The following TGFA variants were observed in gnomAD, a reference collection of about 807,000 sequenced individuals.
TGFA encodes the protein protransforming growth factor alpha.
TGFA carries 12 observed loss-of-function variants against 21.7 expected under a neutral mutation model. The observed-to-expected ratio is 0.55, with a 90% confidence interval of 0.35 to 0.90. The LOEUF (loss-of-function observed/expected upper bound fraction) is 0.90, where lower values mean the gene tolerates loss of function less well. Ranked by LOEUF, TGFA falls within the 40% of genes least tolerant of loss-of-function variation. TGFA has a pLI of 0.01. For synonymous variants in TGFA, 79 were observed against 88.1 expected, an observed-to-expected ratio of 0.90 and a Z score of 0.58; for missense variants, 178 against 210.8, an observed-to-expected ratio of 0.84 and a Z score of 0.96.
Position 70,454,705 on chromosome 2 carries a change from G to A in TGFA, c.366-1378C>T, listed in dbSNP as rs1670171387. On this transcript the variant is annotated intron_variant, in intron 4 of 5. Coordinates refer to ENST00000295400, the MANE Select transcript of TGFA (RefSeq NM_003236.4). ...GCCCAGGAAGCCAGCAGCCTGGCAG[G>A]AGTGAGAGCTTAGTCTCTGGCTCAT... Among the ~76,000 whole-genome samples, 4 of 152,190 alleles carry A rather than the reference G, an allele frequency of 2.6e-5. No individual in the cohort carries two copies. The South Asian group carries it at 8.3e-4, about 32-fold the overall frequency.
chr2:70,523,532 T>C (rs1196020412), intron 1 of TGFA, among the ~76,000 whole-genome samples: 2 of 152,284 alleles, frequency 1.3e-5, no homozygotes, highest in East Asian at 1.9e-4. Flanking sequence ...TAGAAAAGCC[T>C]CCTTACTGCC....
At chr2:70,458,594 A>G (rs6738670) in intron 3 of TGFA, among the ~76,000 whole-genome samples, 2,378 of 152,058 alleles carry the variant, frequency 0.016, 63 homozygotes, top group African/African-American at 0.054. Context: ...ACTACCCTCC[A>G]TTGTGCATCT....
At chr2:70,549,038 CTA>C (rs1470994166) in intron 1 of TGFA, among the ~76,000 whole-genome samples, 1 of 152,186 alleles carries the variant, frequency 6.6e-6, no homozygotes, top group Non-Finnish European at 1.5e-5. Context: ...TAGCAAAGAG[CTA>C]TGTTCATATT....
intron 2 of TGFA, among the ~76,000 whole-genome samples, chr2:70,480,457 A>C (rs1553495252): frequency 6.6e-6 from 1 of 152,242 alleles, no homozygotes; most frequent in East Asian, 1.9e-4. Context: ...ATATACATTT[A>C]GAAATGGTTT....
chr2:70,464,881 C>A (rs1457736916), intron 3 of TGFA, among the ~76,000 whole-genome samples: 5 of 152,180 alleles, frequency 3.3e-5, no homozygotes, highest in Non-Finnish European at 7.3e-5. Context: ...CTCTACTCCC[C>A]CTAACTGGTC....
intron 2 of TGFA, among the ~76,000 whole-genome samples, chr2:70,470,238 T>G: frequency 6.7e-6 from 1 of 148,338 alleles, no homozygotes; most frequent in East Asian, 2.0e-4. Context: ...GAAGGAGAGA[T>G]TGGGACAAAG....
chr2:70,521,959 A>G (rs1468802391), intron 1 of TGFA, among the ~76,000 whole-genome samples: 1 of 152,200 alleles, frequency 6.6e-6, no homozygotes, highest in Admixed American at 6.5e-5. Flanking sequence ...AAGTCGGCAT[A>G]TCCCATCCTC....
At chr2:70,544,280 T>C (rs369907574) in intron 1 of TGFA, among the ~76,000 whole-genome samples, 7 of 151,720 alleles carry the variant, frequency 4.6e-5, no homozygotes, top group Admixed American at 4.6e-4. Context: ...ATGCTATAAG[T>C]AAGAAGAGAT....
At chr2:70,470,942 C>T (rs1480109977) in intron 2 of TGFA, among the ~76,000 whole-genome samples, 2 of 152,108 alleles carry the variant, frequency 1.3e-5, no homozygotes, top group Non-Finnish European at 2.9e-5. Context: ...ACAAAAGTGA[C>T]ATATTTTTAG....
intron 1 of TGFA, among the ~76,000 whole-genome samples, chr2:70,543,217 AT>A (rs782654920): frequency 6.6e-6 from 1 of 152,146 alleles, no homozygotes; most frequent in Non-Finnish European, 1.5e-5. Context: ...TACTTACTTT[AT>A]TTCACATTTG....
chr2:70,472,738 C>T (rs1308003710), intron 2 of TGFA, among the ~76,000 whole-genome samples: 6 of 152,332 alleles, frequency 3.9e-5, no homozygotes, highest in South Asian at 2.1e-4. Context: ...CAGCGGGAGC[C>T]GGCTGAGCCT....
At chr2:70,497,537 C>T (rs1317023432) in intron 2 of TGFA, among the ~76,000 whole-genome samples, 3 of 152,210 alleles carry the variant, frequency 2.0e-5, no homozygotes, top group Non-Finnish European at 4.4e-5. Context: ...CACCAGTGGT[C>T]ACTGCCTACA....
chr2:70,515,189 G>A (rs183946320), intron 1 of TGFA, among the ~76,000 whole-genome samples: 1 of 152,220 alleles, frequency 6.6e-6, no homozygotes, highest in East Asian at 1.9e-4. Flanking sequence ...GGGTGGTTTT[G>A]GCCTTTGTTT....
At chr2:70,479,427 A>G (rs1671040675) in intron 2 of TGFA, among the ~76,000 whole-genome samples, 1 of 152,106 alleles carries the variant, frequency 6.6e-6, no homozygotes, top group Non-Finnish European at 1.5e-5. Context: ...TTCCTTTGTA[A>G]CCTGCTTTTA....
chr2:70,498,540 A>C (rs1671642488), intron 2 of TGFA, among the ~76,000 whole-genome samples: 1 of 152,106 alleles, frequency 6.6e-6, no homozygotes, highest in Admixed American at 6.5e-5. Flanking sequence ...TCTTCTCTTT[A>C]TCCCCTTTAT....
intron 1 of TGFA, among the ~76,000 whole-genome samples, chr2:70,541,481 A>G (rs1000522431): frequency 2.0e-5 from 3 of 152,180 alleles, no homozygotes; most frequent in African/African-American, 4.8e-5. Context: ...TGGTGAGTCA[A>G]TCTGGGGGTG....
In TGFA at chr2:70,450,771, C is replaced by T. The variant is rs1473936095; in HGVS notation, c.*88G>A. Reference sequence around the variant, plus strand: ...CCAAGTAGGAAGGTCTGTGGCACACCCAGGCATCTCTGGCAGTGCTGTCCT... The same window carrying T: ...CCAAGTAGGAAGGTCTGTGGCACACTCAGGCATCTCTGGCAGTGCTGTCCT... On this transcript the variant is annotated 3_prime_UTR_variant, in exon 6 of 6. Coordinates refer to ENST00000295400, the MANE Select transcript of TGFA (RefSeq NM_003236.4). 5.4e-6 allele frequency: 8 copies of T among 1,492,766 alleles called. No individual in the cohort carries two copies. In the African/African-American group the frequency reaches 8.2e-5, roughly 15 times the overall value. 92.5% of individuals were successfully genotyped at this position (1,492,766 alleles called of 1,614,324 possible). A position where few individuals can be genotyped will look rare whatever the true frequency, so the allele number is the denominator to read the frequency against.
chr2:70,549,234 A>C (rs1553506427), intron 1 of TGFA, among the ~76,000 whole-genome samples: 1 of 152,126 alleles, frequency 6.6e-6, no homozygotes, highest in African/African-American at 2.4e-5. Flanking sequence ...AAGAGGGCTA[A>C]CTCTGTCCTG....
chr2:70,521,973 C>A (rs1672487166), intron 1 of TGFA, among the ~76,000 whole-genome samples: 1 of 152,186 alleles, frequency 6.6e-6, no homozygotes, highest in East Asian at 1.9e-4. Context: ...CATCCTCTAC[C>A]CATGGGAATC....
Sources: gnomAD v4.1 joint callset for allele counts (sites outside exome capture counted in the v4.1 genomes callset) on GRCh38, gnomAD v4.1.1 for gene constraint, MANE v1.5 for transcripts, NCBI Gene and HGNC (gene_info 2026-07-23, HGNC 2026-07-21) for gene names.